The following ZDHHC14 variants were observed in gnomAD, a reference collection of about 807,000 sequenced individuals.
ZDHHC14 encodes the protein palmitoyltransferase ZDHHC14.
Under a neutral mutation model 47.7 loss-of-function variants are expected in ZDHHC14, and 16 were observed. The observed-to-expected ratio is 0.34, with a 90% CI of 0.23 to 0.51. The LOEUF is 0.51. Among genes scored for constraint, ZDHHC14 ranks in the 20% least tolerant of loss-of-function variants. The probability of loss-of-function intolerance (pLI) is 0.97; values close to 1 mark genes in which losing one functional copy is unlikely to be tolerated. For synonymous variants in ZDHHC14, 293 were observed against 278.9 expected (o/e 1.05, Z -0.50); for missense variants, 515 against 662.5 (o/e 0.78, Z 2.44).
chr6:157,468,646 C>T (rs1779279869), intron 1 of ZDHHC14, among the ~76,000 whole-genome samples: 1 of 152,106 alleles, frequency 6.6e-6, no homozygotes, highest in Non-Finnish European at 1.5e-5. Flanking sequence ...AGAAGGAGGC[C>T]CTGCTCTTTT....
At chr6:157,492,206 G>GCGCCCCCCC (rs1779940800) in intron 1 of ZDHHC14, among the ~76,000 whole-genome samples, 1 of 82,480 alleles carries the variant, frequency 1.2e-5, no homozygotes, top group African/African-American at 4.0e-5. Context: ...CTCCGCCCCC[G>GCGCCCCCCC]CCCCCCAGCC....
intron 3 of ZDHHC14, among the ~76,000 whole-genome samples, chr6:157,617,929 G>A (rs1386425808): frequency 1.3e-5 from 2 of 152,226 alleles, no homozygotes; most frequent in South Asian, 2.1e-4. Flanking sequence ...AATGAATATC[G>A]AAAACCAGAA....
intron 1 of ZDHHC14, among the ~76,000 whole-genome samples, chr6:157,393,830 A>G (rs1350608794): frequency 2.0e-5 from 3 of 151,816 alleles, no homozygotes; most frequent in East Asian, 1.9e-4. Flanking sequence ...TCTTGCCTTT[A>G]AGTAACTTTG....
chr6:157,527,722 T>C (rs1274188168), intron 1 of ZDHHC14, among the ~76,000 whole-genome samples: 1 of 152,208 alleles, frequency 6.6e-6, no homozygotes, highest in African/African-American at 2.4e-5. Flanking sequence ...CATGAAGCAG[T>C]GTTTTCTTGG....
At chr6:157,471,540 C>T (rs1330296675) in intron 1 of ZDHHC14, among the ~76,000 whole-genome samples, 1 of 152,104 alleles carries the variant, frequency 6.6e-6, no homozygotes, top group Non-Finnish European at 1.5e-5. Context: ...ATGCTGCCTT[C>T]GATGAGAAGG....
At chr6:157,432,220 A>C (rs1468556894) in intron 1 of ZDHHC14, among the ~76,000 whole-genome samples, 3 of 152,208 alleles carry the variant, frequency 2.0e-5, no homozygotes, top group Non-Finnish European at 4.4e-5. Context: ...TGCATATTTG[A>C]GTTTTTAAAT....
chr6:157,623,084 C>T (rs1192750287), intron 3 of ZDHHC14, among the ~76,000 whole-genome samples: 1 of 152,170 alleles, frequency 6.6e-6, no homozygotes, highest in Non-Finnish European at 1.5e-5. Context: ...CTAGAACCTT[C>T]CAGGTATTCC....
intron 5 of ZDHHC14, among the ~76,000 whole-genome samples, 187 bp from the exon 6 acceptor site, chr6:157,645,550 C>T (rs1777486928): frequency 6.6e-6 from 1 of 152,172 alleles, no homozygotes; most frequent in Non-Finnish European, 1.5e-5. Flanking sequence ...CACCCCCTGC[C>T]CTGACGGAGG....
intron 5 of ZDHHC14, among the ~76,000 whole-genome samples, chr6:157,644,587 C>T (rs1026599995): frequency 6.6e-6 from 1 of 152,218 alleles, no homozygotes; most frequent in Admixed American, 6.5e-5. Flanking sequence ...ATCGGTTAAC[C>T]ATGGCACAGC....
At position 157,673,273 on chromosome 6, in the gene ZDHHC14, A is replaced by T; in HGVS notation, c.*151A>T. 9.3e-7 allele frequency: 1 copy of T among 1,071,172 alleles called. No homozygotes were observed. Among genetic ancestry groups the T allele is most frequent in the Non-Finnish European group, 1.3e-6 (1 of 793,532 alleles). The allele number at this position is 1,071,172 out of a possible 1,614,324, so 66.4% of individuals were successfully genotyped here. A position where few individuals can be genotyped will look rare whatever the true frequency, so the allele number is the denominator to read the frequency against. ...GGGTACAGAGACCACTTAGGATGGC[A>T]CAGGGTGGCTGGCCCCGGATGCTGA... On this transcript the variant is annotated 3_prime_UTR_variant, in exon 9 of 9. Transcript: ENST00000359775. This position sits in a 1 kb window ranked among gnomAD's most constrained non-coding sequence, Gnocchi z 5.4.
intron 3 of ZDHHC14, among the ~76,000 whole-genome samples, chr6:157,611,608 G>A (rs1784752362): frequency 6.6e-6 from 1 of 152,206 alleles, no homozygotes; most frequent in African/African-American, 2.4e-5. Context: ...CAAGGCAAAG[G>A]TAGATGTGTG....
intron 8 of ZDHHC14, among the ~76,000 whole-genome samples, chr6:157,659,624 A>C (rs1778255369): frequency 6.6e-6 from 1 of 152,114 alleles, no homozygotes; most frequent in African/African-American, 2.4e-5. Context: ...TGCCTGGCCG[A>C]AAGGGTCCCG....
intron 1 of ZDHHC14, among the ~76,000 whole-genome samples, chr6:157,403,176 A>G: frequency 6.6e-6 from 1 of 152,240 alleles, no homozygotes; most frequent in East Asian, 1.9e-4. Flanking sequence ...CACATCAGAG[A>G]AAATGTAAAT....
chr6:157,643,650 A>AATAT (rs3056787), intron 5 of ZDHHC14, among the ~76,000 whole-genome samples: 2,679 of 72,414 alleles, frequency 0.037, 388 homozygotes, highest in South Asian at 0.085. Flanking sequence ...CTTCATCTCA[A>AATAT]ATATATATAT....
chr6:157,420,081 C>T (rs1778065100), intron 1 of ZDHHC14, among the ~76,000 whole-genome samples: 1 of 152,214 alleles, frequency 6.6e-6, no homozygotes, highest in East Asian at 1.9e-4. Flanking sequence ...GCCATCTCCC[C>T]AGGTTATTTT....
At chr6:157,614,852 C>T (rs1161884314) in intron 3 of ZDHHC14, among the ~76,000 whole-genome samples, 2 of 151,672 alleles carry the variant, frequency 1.3e-5, no homozygotes, top group African/African-American at 4.9e-5. Flanking sequence ...CTCACTGTAA[C>T]CTCTGCTTCC....
chr6:157,441,356 C>A (rs1265163674), intron 1 of ZDHHC14, among the ~76,000 whole-genome samples: 1 of 152,218 alleles, frequency 6.6e-6, no homozygotes, highest in African/African-American at 2.4e-5. Context: ...TTTCCAAATT[C>A]TGTGAATCTG....
At chr6:157,511,057 A>G (rs1780457445) in intron 1 of ZDHHC14, among the ~76,000 whole-genome samples, 1 of 152,212 alleles carries the variant, frequency 6.6e-6, no homozygotes, top group South Asian at 2.1e-4. Flanking sequence ...CCTCCGCCTC[A>G]GAGCCAGATC....
rs1009800409 is a variant in ZDHHC14, at chr6:157,657,088, G to A, written c.1068+3461G>A. Among the ~76,000 whole-genome samples, 11 of 151,466 alleles carry A rather than the reference G, an allele frequency of 7.3e-5. No individual in the cohort carries two copies. In the East Asian group the frequency reaches 1.5e-3, roughly 21 times the overall value. On this transcript the variant is annotated intron_variant, in intron 8 of 8. Transcript: ENST00000359775. ...TTTTAAGACAGGGTCTCACTCTGTC[G>A]CCCAGGCTGAAGTGCAGTGGTGAAA...
Sources: gnomAD v4.1 joint callset for allele counts (sites outside exome capture counted in the v4.1 genomes callset) on GRCh38, gnomAD v4.1.1 for gene constraint, Gnocchi (gnomAD v3.1) non-coding constraint, MANE v1.5 for transcripts, NCBI Gene and HGNC (gene_info 2026-07-23, HGNC 2026-07-21) for gene names.